The following EPB41L4A variants were observed in gnomAD, a reference collection of about 807,000 sequenced individuals.
EPB41L4A encodes the protein band 4.1-like protein 4A.
A neutral mutation model predicts 108.6 loss-of-function variants in EPB41L4A; 100 were observed. The observed-to-expected ratio is 0.92, with a 90% CI of 0.78 to 1.09. EPB41L4A has a LOEUF of 1.09. Ranked by LOEUF, EPB41L4A falls within the 50% of genes least tolerant of loss-of-function variation. The probability of loss-of-function intolerance (pLI) is 0.00; values close to 1 mark genes in which losing one functional copy is unlikely to be tolerated. For synonymous variants in EPB41L4A, 319 were observed against 289.0 expected (o/e 1.10, Z -1.05); for missense variants, 1,030 against 842.7 (o/e 1.22, Z -2.75).
Position 112,204,452 on chromosome 5 carries a change from C to T in EPB41L4A, c.1299G>A (p.Ser433=), listed in dbSNP as rs376701226. 7.4e-5 allele frequency: 119 copies of T among 1,613,464 alleles called. No individual in the cohort carries two copies. In the African/African-American group the frequency reaches 1.3e-3, roughly 18 times the overall value. Residue 433 remains serine (S), a synonymous_variant, in exon 15 of 23, where the codon TCG becomes TCA. Coordinates refer to ENST00000261486, the MANE Select transcript of EPB41L4A (RefSeq NM_022140.5). ...GGCGACGCGTGTAAGGGAACTTTGG[C>T]GACTTAGTGCGATCACTGGGAGAAT... The part of the protein sequence containing the change: ...LYNSPSDRTK[S]PKFPYTRRRN...
intron 1 of EPB41L4A, among the ~76,000 whole-genome samples, chr5:112,380,202 C>G (rs1372346698): frequency 2.6e-5 from 4 of 152,086 alleles, no homozygotes; most frequent in Non-Finnish European, 5.9e-5. Context: ...GAAACTCGTG[C>G]TACCAAATCC....
intron 4 of EPB41L4A, among the ~76,000 whole-genome samples, chr5:112,269,403 G>A (rs1345281985): frequency 7.9e-5 from 12 of 152,050 alleles, no homozygotes; most frequent in Admixed American, 7.9e-4. Context: ...ACATTTTATA[G>A]CGTCTCAGGG....
chr5:112,261,107 C>T lies in EPB41L4A; in HGVS notation c.643-1128G>A, dbSNP rs75443828. On this transcript the variant is annotated intron_variant, in intron 7 of 22. Coordinates refer to ENST00000261486, the MANE Select transcript of EPB41L4A (RefSeq NM_022140.5). The stretch of plus-strand genomic sequence containing the variant: ...GTGGCTAAAGGGAGGGAAGGTAAAA[C>T]GATAATGATTCTACAGTTTTAGCAG... Among the ~76,000 whole-genome samples the T allele has an allele frequency of 5.3e-4, 81 of 152,202 alleles. 1 individual carries two copies. Among genetic ancestry groups the T allele is most frequent in the African/African-American group, 1.9e-3 (78 of 41,534 alleles).
At chr5:112,410,055 AAGG>A (rs1326425063) in intron 1 of EPB41L4A, among the ~76,000 whole-genome samples, 3 of 152,182 alleles carry the variant, frequency 2.0e-5, no homozygotes, top group African/African-American at 4.8e-5. Flanking sequence ...GCTCCGCATC[AAGG>A]AGAAGTCTTC....
chr5:112,272,751 A>T (rs1309925293), intron 4 of EPB41L4A, among the ~76,000 whole-genome samples: 1 of 125,262 alleles, frequency 8.0e-6, no homozygotes, highest in Non-Finnish European at 1.6e-5. Context: ...ACTGCCCTCC[A>T]GTCTGGGTGA....
chr5:112,248,051 T>G (rs1294451371), intron 9 of EPB41L4A, among the ~76,000 whole-genome samples: 1 of 152,208 alleles, frequency 6.6e-6, no homozygotes, highest in Non-Finnish European at 1.5e-5. Flanking sequence ...TTCTGCCAAG[T>G]ACAAATGACA....
chr5:112,282,322 T>C (rs766090654), intron 2 of EPB41L4A, among the ~76,000 whole-genome samples: 63 of 152,356 alleles, frequency 4.1e-4, no homozygotes, highest in Middle Eastern at 3.4e-3. Context: ...GGGGACTGTT[T>C]CTTGCCATTC....
At chr5:112,207,280 G>A (rs1704402898) in intron 13 of EPB41L4A, among the ~76,000 whole-genome samples, 1 of 152,142 alleles carries the variant, frequency 6.6e-6, no homozygotes, top group African/African-American at 2.4e-5. Context: ...ATCCACTCAA[G>A]ATAGATTAAG....
chr5:112,263,846 CTTG>C (rs1016207319), intron 6 of EPB41L4A: 62 of 149,802 alleles, frequency 4.1e-4, no homozygotes, highest in African/African-American at 1.5e-3. Flanking sequence ...GAGTTTCACT[CTTG>C]TTGCCCAGGC....
chr5:112,290,362 T>C (rs763305388), intron 2 of EPB41L4A, among the ~76,000 whole-genome samples: 5 of 152,210 alleles, frequency 3.3e-5, no homozygotes, highest in Non-Finnish European at 1.5e-5. Flanking sequence ...TGCCTGTCTC[T>C]AGTGGAGCTG....
Position 112,419,243 on chromosome 5 carries a change from C to G in EPB41L4A, c.-204G>C, listed in dbSNP as rs1762925635. On this transcript the variant is annotated 5_prime_UTR_variant, in exon 1 of 23. Transcript: ENST00000261486. Reference sequence around the variant, plus strand: ...AGGCGGAAAAGCCCGGGAGAGTCAGCGCCCGGGAGCCGCCGGGGAAGCGCC... The same window carrying G: ...AGGCGGAAAAGCCCGGGAGAGTCAGGGCCCGGGAGCCGCCGGGGAAGCGCC... 1 of 420,712 alleles carries G rather than the reference C, an allele frequency of 2.4e-6. No homozygotes were observed. The highest frequency in any genetic ancestry group is 4.2e-6 in the Non-Finnish European group (1 of 237,284). 26.1% of individuals were successfully genotyped at this position (420,712 alleles called of 1,614,324 possible).
chr5:112,311,720 A>G (rs1419107931), intron 1 of EPB41L4A, among the ~76,000 whole-genome samples: 2 of 152,198 alleles, frequency 1.3e-5, no homozygotes, highest in Non-Finnish European at 2.9e-5. Flanking sequence ...TCTTTGATCT[A>G]AAATTTTAGA....
At chr5:112,222,999 T>A (rs558339185) in intron 12 of EPB41L4A, among the ~76,000 whole-genome samples, 1 of 151,404 alleles carries the variant, frequency 6.6e-6, no homozygotes, top group South Asian at 2.1e-4. Flanking sequence ...TGGAGTGCAG[T>A]GGCACAATCC....
At chr5:112,387,897 T>A (rs1448282972) in intron 1 of EPB41L4A, among the ~76,000 whole-genome samples, 1 of 152,180 alleles carries the variant, frequency 6.6e-6, no homozygotes, top group Non-Finnish European at 1.5e-5. Context: ...ACACTTTCTA[T>A]CTTCCTCACT....
chr5:112,299,943 A>G (rs1754244738), intron 2 of EPB41L4A, among the ~76,000 whole-genome samples: 1 of 152,058 alleles, frequency 6.6e-6, no homozygotes, highest in African/African-American at 2.4e-5. Context: ...CTACTCTTAA[A>G]GTTTGTTTTG....
intron 1 of EPB41L4A, among the ~76,000 whole-genome samples, chr5:112,375,654 C>T (rs1285039768): frequency 6.6e-6 from 1 of 152,226 alleles, no homozygotes; most frequent in African/African-American, 2.4e-5. Flanking sequence ...TTATGCTCCT[C>T]AGGCCCTTGA....
intron 2 of EPB41L4A, among the ~76,000 whole-genome samples, chr5:112,284,238 T>C (rs1436315254): frequency 1.3e-5 from 2 of 152,270 alleles, no homozygotes; most frequent in South Asian, 2.1e-4. Flanking sequence ...CTGAGAATCA[T>C]GCAGTGTGGT....
chr5:112,313,030 ATATT>A (rs765224336), intron 1 of EPB41L4A, among the ~76,000 whole-genome samples: 2 of 152,222 alleles, frequency 1.3e-5, no homozygotes, highest in Non-Finnish European at 2.9e-5. Context: ...ATTCATTGAA[ATATT>A]TATTTATTTA....
At chr5:112,342,185 T>G (rs980709916) in intron 1 of EPB41L4A, among the ~76,000 whole-genome samples, 1 of 152,184 alleles carries the variant, frequency 6.6e-6, no homozygotes, top group South Asian at 2.1e-4. Context: ...TACTGGGTAA[T>G]GAAGAGAAAT....
Sources: gnomAD v4.1 joint callset for allele counts (sites outside exome capture counted in the v4.1 genomes callset) on GRCh38, gnomAD v4.1.1 for gene constraint, MANE v1.5 for transcripts, NCBI Gene and HGNC (gene_info 2026-07-23, HGNC 2026-07-21) for gene names.